LSM6: variants seen among roughly 807,000 people sequenced by gnomAD.
LSM6 encodes the protein LSM6 homolog, U6 small nuclear RNA and mRNA degradation associated, also known as U6 snRNA-associated Sm-like protein LSm6.
Under a neutral mutation model 13.5 loss-of-function variants are expected in LSM6, and 2 were observed. That is an observed-to-expected ratio of 0.15 (90% CI 0.06 to 0.47). LSM6 has a LOEUF of 0.47. Among genes scored for constraint, LSM6 ranks in the 20% least tolerant of loss-of-function variants. The pLI is 0.97. For synonymous variants in LSM6, 43 were observed against 34.9 expected, an observed-to-expected ratio of 1.23 and a Z score of -0.82; for missense variants, 58 against 96.4, an observed-to-expected ratio of 0.60 and a Z score of 1.67.
In LSM6 at chr4:146,189,836, T is replaced by C. The variant is rs2110893931; in HGVS notation, c.*180T>C. ...ATTTAATTGTGAAATGTTCTTTCAC[T>C]TGTAAGTTTCAGTCATTTTCTTTTA... is the stretch of plus-strand genomic sequence containing the variant. On this transcript the variant is annotated 3_prime_UTR_variant, in exon 4 of 4. Coordinates refer to ENST00000296581, the MANE Select transcript of LSM6 (RefSeq NM_007080.3). 1.9e-6 allele frequency: 1 copy of C among 532,318 alleles called. No homozygotes were observed. The highest frequency in any genetic ancestry group is 2.0e-5 in the African/African-American group (1 of 50,820). The allele number at this position is 532,318 out of a possible 1,614,324, so 33.0% of individuals were successfully genotyped here. A position where few individuals can be genotyped will look rare whatever the true frequency, so the allele number is the denominator to read the frequency against.
chr4:146,187,172 A>G, intron 2 of LSM6, 102 bp from the exon 3 acceptor site: 1 of 616,530 alleles, frequency 1.6e-6, no homozygotes, highest in Non-Finnish European at 2.9e-6. Context: ...TTAAGCATCT[A>G]AGAACTAATG....
intron 2 of LSM6, among the ~76,000 whole-genome samples, chr4:146,186,578 C>T (rs1408511176): frequency 6.6e-6 from 1 of 152,196 alleles, no homozygotes; most frequent in Admixed American, 6.5e-5. Context: ...TCCTTGAAAG[C>T]TCCCTCGAAT....
At chr4:146,181,774 AAATT>A (rs1285190273) in intron 1 of LSM6, among the ~76,000 whole-genome samples, 2 of 152,334 alleles carry the variant, frequency 1.3e-5, no homozygotes, top group East Asian at 3.9e-4. Context: ...TGAAACAGAA[AAATT>A]AATTTCTGAA....
chr4:146,180,480 GTTAATA>G (rs536713605), intron 1 of LSM6, among the ~76,000 whole-genome samples: 220 of 152,306 alleles, frequency 1.4e-3, no homozygotes, highest in African/African-American at 4.4e-3. Context: ...GGTGTGGAAA[GTTAATA>G]TTAATAATAC....
chr4:146,186,655 A>T (rs932476218), intron 2 of LSM6, among the ~76,000 whole-genome samples: 1 of 152,318 alleles, frequency 6.6e-6, no homozygotes, highest in South Asian at 2.1e-4. Flanking sequence ...ACAGAACAAG[A>T]TGTGTTATAA....
chr4:146,188,211 T>A (rs184549822), intron 3 of LSM6, among the ~76,000 whole-genome samples: 2 of 152,362 alleles, frequency 1.3e-5, no homozygotes, highest in Admixed American at 1.3e-4. Flanking sequence ...ATTTCCTGGC[T>A]TTCTAGTCCT....
intron 1 of LSM6, among the ~76,000 whole-genome samples, chr4:146,177,056 C>G (rs1389641186): frequency 6.6e-6 from 1 of 151,764 alleles, no homozygotes; most frequent in Non-Finnish European, 1.5e-5. Context: ...GTGTCACTGG[C>G]GTTAATGCGT....
chr4:146,179,172 G>C (rs1398546551), intron 1 of LSM6, among the ~76,000 whole-genome samples: 1 of 152,200 alleles, frequency 6.6e-6, no homozygotes, highest in Admixed American at 6.5e-5. Flanking sequence ...TCAGGGGAGG[G>C]AGAGGAGGTA....
chr4:146,188,042 G>A (rs1383862338), intron 3 of LSM6, among the ~76,000 whole-genome samples: 1 of 152,098 alleles, frequency 6.6e-6, no homozygotes, highest in South Asian at 2.1e-4. Context: ...GGATTCTTGA[G>A]TTCAGATTTT....
chr4:146,178,984 G>A (rs2110878902), intron 1 of LSM6, among the ~76,000 whole-genome samples: 1 of 152,246 alleles, frequency 6.6e-6, no homozygotes, highest in South Asian at 2.1e-4. Context: ...ACATAGTTGG[G>A]TTAATAAAAG....
At chr4:146,186,758 A>G (rs1259718599) in intron 2 of LSM6, among the ~76,000 whole-genome samples, 2 of 152,164 alleles carry the variant, frequency 1.3e-5, no homozygotes, top group African/African-American at 4.8e-5. Context: ...CTCCTCTTCT[A>G]TTATTTTAAC....
rs3756081 is a variant in LSM6, at chr4:146,190,089, C to G, written c.*433C>G. The G allele has an allele frequency of 0.31, 48,038 of 155,038 alleles. 7,838 individuals carry two copies. Among genetic ancestry groups the G allele is most frequent in the Middle Eastern group, 0.35 (107 of 302 alleles). The allele number at this position is 155,038 out of a possible 1,614,324, so 9.6% of individuals were successfully genotyped here. On this transcript the variant is annotated 3_prime_UTR_variant, in exon 4 of 4. Coordinates refer to ENST00000296581, the MANE Select transcript of LSM6 (RefSeq NM_007080.3). ...CTTTTCTGTTCATACAGAATCCTTG[C>G]GTGAATATGTTCTACAAAGGCATCC...
chr4:146,185,392 G>A (rs565511555), intron 2 of LSM6, among the ~76,000 whole-genome samples: 1 of 151,284 alleles, frequency 6.6e-6, no homozygotes, highest in South Asian at 2.1e-4. Context: ...CTTATGAATG[G>A]CCTTTATACT....
chr4:146,181,367 T>C (rs1730226714), intron 1 of LSM6: 1 of 152,244 alleles, frequency 6.6e-6, no homozygotes, highest in Non-Finnish European at 1.5e-5. Flanking sequence ...TAAATTCTTC[T>C]AGATTTTAAG....
At chr4:146,184,143 A>AC (rs141899653) in intron 2 of LSM6, among the ~76,000 whole-genome samples, 33,218 of 151,754 alleles carry the variant, frequency 0.22, 4,523 homozygotes, top group Non-Finnish European at 0.3. Flanking sequence ...CTGCGTGAAG[A>AC]CTTTTTTTTA....
intron 2 of LSM6, among the ~76,000 whole-genome samples, chr4:146,185,184 G>A (rs1730318573): frequency 6.6e-6 from 1 of 152,184 alleles, no homozygotes; most frequent in African/African-American, 2.4e-5. Flanking sequence ...GGATTTACAA[G>A]TCAGAGAGTA....
rs888495807 is a variant in LSM6 at position 146,190,452 on chromosome 4, G to A, written c.*796G>A. The A allele has an allele frequency of 6.6e-6, 1 of 152,242 alleles. No homozygotes were observed. Among genetic ancestry groups the A allele is most frequent in the Admixed American group, 6.5e-5 (1 of 15,282 alleles). The allele number at this position is 152,242 out of a possible 1,614,324, so 9.4% of individuals were successfully genotyped here. ...GTACATCTCTCACAGTCAGATTAAA[G>A]CAAAGCCTAGAGTTTGTAAACATAA... On this transcript the variant is annotated 3_prime_UTR_variant, in exon 4 of 4. Coordinates refer to ENST00000296581, the MANE Select transcript of LSM6 (RefSeq NM_007080.3).
At chr4:146,176,646 A>T (rs567805833) in intron 1 of LSM6, 1 of 152,028 alleles carries the variant, frequency 6.6e-6, no homozygotes, top group Admixed American at 6.5e-5. Context: ...GTAGTTTTCC[A>T]CTTCCATTTA....
At chr4:146,183,953 A>G (rs536104061) in intron 2 of LSM6, among the ~76,000 whole-genome samples, 172 of 150,016 alleles carry the variant, frequency 1.1e-3, no homozygotes, top group African/African-American at 4.1e-3. Context: ...GCTCACTGCA[A>G]GCTCCGCCTC....
Sources: allele counts gnomAD v4.1 joint callset (sites outside exome capture counted in the v4.1 genomes callset), GRCh38; gene constraint gnomAD v4.1.1; transcripts MANE v1.5; gene names NCBI Gene and HGNC (gene_info 2026-07-23, HGNC 2026-07-21).